The following ERBB4 variants were observed in gnomAD, a reference collection of about 807,000 sequenced individuals.
ERBB4 encodes the protein receptor tyrosine-protein kinase erbB-4.
ERBB4 carries 42 observed loss-of-function variants against 158.0 expected under a neutral mutation model. The observed-to-expected ratio is 0.27, with a 90% CI of 0.21 to 0.34. The LOEUF (loss-of-function observed/expected upper bound fraction) is 0.34. Ranked by LOEUF, ERBB4 falls within the 10% of genes least tolerant of loss-of-function variation. The probability of loss-of-function intolerance (pLI) is 1.00; values close to 1 mark genes in which losing one functional copy is unlikely to be tolerated. For missense variants in ERBB4, 1,333 were observed against 1,624.1 expected, an observed-to-expected ratio of 0.82 and a Z score of 3.08; for synonymous variants, 583 against 558.7, an observed-to-expected ratio of 1.04 and a Z score of -0.61.
intron 2 of ERBB4, among the ~76,000 whole-genome samples, chr2:212,047,639 AT>A (rs377248079): frequency 0.15 from 20,322 of 135,452 alleles, 2,013 homozygotes; most frequent in African/African-American, 0.29. Context: ...CACTTGGCTA[AT>A]TTTTTTTTTT....
At chr2:211,595,369 T>TAGAAAAAAAAAAAAAAAAAAAAAA in intron 19 of ERBB4, among the ~76,000 whole-genome samples, 1 of 151,588 alleles carries the variant, frequency 6.6e-6, no homozygotes, top group Non-Finnish European at 1.5e-5. Flanking sequence ...ACAGATGTAC[T>TAGAAAAAAAAAAAAAAAAAAAAAA]AGAAAAAAAT....
At chr2:212,296,500 G>T (rs530182171) in intron 1 of ERBB4, among the ~76,000 whole-genome samples, 1 of 151,972 alleles carries the variant, frequency 6.6e-6, no homozygotes, top group Non-Finnish European at 1.5e-5. Flanking sequence ...GCATTTGGAG[G>T]AATATCAAAA....
At chr2:211,685,768 C>A in intron 12 of ERBB4, among the ~76,000 whole-genome samples, 1 of 152,088 alleles carries the variant, frequency 6.6e-6, no homozygotes, top group Non-Finnish European at 1.5e-5. Context: ...TAGGCTTTTG[C>A]ATTTATTTAC....
At chr2:212,080,690 A>C (rs1056705436) in intron 2 of ERBB4, among the ~76,000 whole-genome samples, 19 of 151,270 alleles carry the variant, frequency 1.3e-4, no homozygotes, top group Non-Finnish European at 2.5e-4. Context: ...AAAAAAAAAA[A>C]AAAACCTCTT....
Position 211,380,364 on chromosome 2 carries a change from C to A in ERBB4, c.*3251G>T, listed in dbSNP as rs374378594. ...CATTTAACTGCAAAATTTTTCCATA[C>A]CTGCCCAAAATAGGTATAATCTACA... On this transcript the variant is annotated 3_prime_UTR_variant, in exon 28 of 28. Transcript: ENST00000342788. The A allele has an allele frequency of 5.2e-4, 51 of 98,934 alleles. No homozygotes were observed. The East Asian group carries it at 7.6e-3, about 15-fold the overall frequency. The allele number at this position is 98,934 out of a possible 1,614,324, so 6.1% of individuals were successfully genotyped here.
chr2:212,442,051 C>A (rs889844041), intron 1 of ERBB4, among the ~76,000 whole-genome samples: 1 of 152,054 alleles, frequency 6.6e-6, no homozygotes, highest in East Asian at 1.9e-4. Flanking sequence ...TTGCACTCAA[C>A]CATCAAAGGC....
chr2:211,790,878 C>T (rs10190753), intron 3 of ERBB4, among the ~76,000 whole-genome samples: 6,794 of 151,948 alleles, frequency 0.045, 492 homozygotes, highest in African/African-American at 0.16. Context: ...TGTAGAATTT[C>T]ATTGACACTT....
chr2:212,511,055 C>A (rs541380600), intron 1 of ERBB4, among the ~76,000 whole-genome samples: 3 of 151,942 alleles, frequency 2.0e-5, no homozygotes, highest in African/African-American at 7.2e-5. Flanking sequence ...GGCATGTACT[C>A]AAAAAAACGG....
At chr2:211,861,171 T>G (rs2078037300) in intron 3 of ERBB4, among the ~76,000 whole-genome samples, 1 of 78,194 alleles carries the variant, frequency 1.3e-5, no homozygotes, top group South Asian at 4.3e-4. Context: ...AAAAGTAGTT[T>G]TTTTTTTTTT....
chr2:212,322,422 T>A (rs1159749470), intron 1 of ERBB4, among the ~76,000 whole-genome samples: 1 of 139,474 alleles, frequency 7.2e-6, no homozygotes, highest in Admixed American at 6.8e-5. Flanking sequence ...CAAACCTCTT[T>A]AAAAGCTATA....
Position 211,562,046 on chromosome 2 carries a change from G to A in ERBB4, c.2344C>T (p.Arg782Trp), listed in dbSNP as rs879060634. ...GGGCTCAGACACACACCCAGCAACC[G>A]GACTAGGTGTGGATGATCCATACTT... ...MASMDHPHLVRLLGVCLSPTI... is the reference protein window; with the variant it reads ...MASMDHPHLVWLLGVCLSPTI... Residue 782 changes from arginine to tryptophan, a missense_variant, in exon 20 of 28, where the codon CGG becomes TGG. By Grantham distance (101) the Arg-to-Trp change is moderately radical (BLOSUM62 -3). Coordinates refer to ENST00000342788, the MANE Select transcript of ERBB4 (RefSeq NM_005235.3). The A allele has an allele frequency of 2.5e-5, 41 of 1,613,794 alleles. No homozygotes were observed. Among genetic ancestry groups the A allele is most frequent in the Non-Finnish European group, 3.1e-5 (37 of 1,180,020 alleles).
chr2:211,757,979 G>C (rs116647431), intron 4 of ERBB4, among the ~76,000 whole-genome samples: 1,622 of 152,186 alleles, frequency 0.011, 19 homozygotes, highest in Non-Finnish European at 0.015. Flanking sequence ...GCTGAATATA[G>C]AACTGTTTCT....
chr2:211,905,409 C>CA (rs1397758334), intron 3 of ERBB4, among the ~76,000 whole-genome samples: 1 of 151,678 alleles, frequency 6.6e-6, no homozygotes, highest in East Asian at 1.9e-4. Flanking sequence ...GATTAGCAAA[C>CA]AATTTCATCT....
chr2:212,448,302 A>G (rs2092393293), intron 1 of ERBB4, among the ~76,000 whole-genome samples: 2 of 152,192 alleles, frequency 1.3e-5, no homozygotes, highest in Admixed American at 1.3e-4. Flanking sequence ...AGATACACAC[A>G]TGAATTGCGT....
chr2:212,101,350 C>CATATATATATATATACATAT (rs143314380), intron 2 of ERBB4, among the ~76,000 whole-genome samples: 3 of 143,086 alleles, frequency 2.1e-5, no homozygotes, highest in Non-Finnish European at 4.6e-5. Flanking sequence ...ACACCCTATA[C>CATATATATATATATACATAT]ATATATATAT....
At chr2:211,941,257 ATTT>A (rs34846131) in intron 3 of ERBB4, among the ~76,000 whole-genome samples, 20 of 143,768 alleles carry the variant, frequency 1.4e-4, no homozygotes, top group South Asian at 4.5e-4. Context: ...GTACTCTTAG[ATTT>A]TTTTTTTTTT....
At chr2:212,282,835 G>A (rs900651665) in intron 1 of ERBB4, among the ~76,000 whole-genome samples, 3 of 151,828 alleles carry the variant, frequency 2.0e-5, no homozygotes, top group South Asian at 2.1e-4. Flanking sequence ...GTTGCCTTAC[G>A]TGTTCAGAAT....
chr2:211,764,767 T>C (rs2075508739), intron 4 of ERBB4, among the ~76,000 whole-genome samples: 1 of 152,120 alleles, frequency 6.6e-6, no homozygotes, highest in Non-Finnish European at 1.5e-5. Flanking sequence ...ACCCAAAATA[T>C]ATTAGAACAC....
chr2:211,939,879 G>A (rs1239766298), intron 3 of ERBB4, among the ~76,000 whole-genome samples: 1 of 151,512 alleles, frequency 6.6e-6, no homozygotes, highest in African/African-American at 2.4e-5. Context: ...CCCGGGAGGT[G>A]GAGCTTGCAG....
Sources: allele counts gnomAD v4.1 joint callset (sites outside exome capture counted in the v4.1 genomes callset), GRCh38; gene constraint gnomAD v4.1.1; transcripts MANE v1.5; gene names NCBI Gene and HGNC (gene_info 2026-07-23, HGNC 2026-07-21).